PIBF1: variants seen among roughly 807,000 people sequenced by gnomAD.
PIBF1 encodes the protein progesterone-induced-blocking factor 1.
A neutral mutation model predicts 112.5 loss-of-function variants in PIBF1; 90 were observed. The ratio of observed to expected loss-of-function variants is 0.80; its 90% CI spans 0.67 to 0.95. PIBF1 has a LOEUF of 0.95. Among genes scored for constraint, PIBF1 ranks in the 40% least tolerant of loss-of-function variants. The pLI is 0.00. For synonymous variants in PIBF1, 301 were observed against 288.6 expected, an observed-to-expected ratio of 1.04 and a Z score of -0.44; for missense variants, 915 against 852.3, an observed-to-expected ratio of 1.07 and a Z score of -0.92.
intron 10 of PIBF1, among the ~76,000 whole-genome samples, chr13:72,867,429 G>A (rs1337293543): frequency 6.6e-6 from 1 of 152,066 alleles, no homozygotes; most frequent in Non-Finnish European, 1.5e-5. Context: ...TTTATTTAAA[G>A]TACTCAAAAA....
intron 16 of PIBF1, among the ~76,000 whole-genome samples, chr13:72,988,063 A>C (rs947484024): frequency 6.6e-6 from 1 of 150,804 alleles, no homozygotes; most frequent in Non-Finnish European, 1.5e-5. Context: ...GGGTTTCACC[A>C]TGCTGGCCAG....
intron 4 of PIBF1, among the ~76,000 whole-genome samples, chr13:72,796,064 A>G (rs1008821568): frequency 2.6e-5 from 4 of 152,212 alleles, no homozygotes; most frequent in African/African-American, 7.2e-5. Context: ...GAGGACCCCA[A>G]TGAGTGTTTG....
At chr13:72,938,092 AT>A (rs1053787069) in intron 14 of PIBF1, among the ~76,000 whole-genome samples, 35 of 152,128 alleles carry the variant, frequency 2.3e-4, no homozygotes, top group African/African-American at 8.0e-4. Context: ...ATTTCTGACT[AT>A]TTTTGACAAA....
At chr13:72,812,747 C>A (rs1355302779) in intron 5 of PIBF1, among the ~76,000 whole-genome samples, 1 of 151,600 alleles carries the variant, frequency 6.6e-6, no homozygotes, top group Non-Finnish European at 1.5e-5. Flanking sequence ...TTGTGTCCAG[C>A]CTGGAAGACA....
chr13:72,848,033 A>G (rs1349948860), intron 9 of PIBF1, among the ~76,000 whole-genome samples: 1 of 152,172 alleles, frequency 6.6e-6, no homozygotes, highest in Non-Finnish European at 1.5e-5. Context: ...AGCCAAAAAT[A>G]TTTTTACATG....
intron 14 of PIBF1, among the ~76,000 whole-genome samples, chr13:72,952,885 T>C (rs1594260670): frequency 3.6e-5 from 2 of 54,966 alleles, no homozygotes; most frequent in Admixed American, 4.3e-4. Context: ...GATGTGCCCT[T>C]AAGAAAAAAA....
intron 13 of PIBF1, among the ~76,000 whole-genome samples, chr13:72,925,603 G>A (rs1366939419): frequency 7.1e-6 from 1 of 141,012 alleles, no homozygotes; most frequent in South Asian, 2.2e-4. Context: ...GTGCAGTGGT[G>A]GAATCTCAGC....
intron 11 of PIBF1, among the ~76,000 whole-genome samples, chr13:72,895,603 A>G (rs1464483102): frequency 6.6e-6 from 1 of 152,102 alleles, no homozygotes; most frequent in African/African-American, 2.4e-5. Context: ...ACCTTTAGAT[A>G]GGTCTGTGTG....
intron 10 of PIBF1, among the ~76,000 whole-genome samples, chr13:72,863,175 A>G (rs1051612609): frequency 7.2e-5 from 11 of 152,154 alleles, no homozygotes; most frequent in African/African-American, 2.2e-4. Context: ...ATCACAGGCT[A>G]TATAACAAAG....
At chr13:72,889,749 A>T (rs2039987840) in intron 10 of PIBF1, among the ~76,000 whole-genome samples, 1 of 152,090 alleles carries the variant, frequency 6.6e-6, no homozygotes, top group Non-Finnish European at 1.5e-5. Context: ...TTCAACCTGG[A>T]TCAGTTGTTA....
intron 9 of PIBF1, among the ~76,000 whole-genome samples, chr13:72,840,671 G>A (rs778893131): frequency 6.6e-5 from 10 of 151,886 alleles, no homozygotes; most frequent in East Asian, 1.9e-4. Flanking sequence ...TTACAGGTTC[G>A]CGCCACCACG....
chr13:73,011,303 AGT>A (rs1246013129), intron 17 of PIBF1, among the ~76,000 whole-genome samples: 1 of 152,238 alleles, frequency 6.6e-6, no homozygotes, highest in Non-Finnish European at 1.5e-5. Context: ...GGTATGGACA[AGT>A]CTGAAAGTTA....
At chr13:72,948,458 G>A (rs2042207974) in intron 14 of PIBF1, among the ~76,000 whole-genome samples, 1 of 152,114 alleles carries the variant, frequency 6.6e-6, no homozygotes, top group Admixed American at 6.5e-5. Flanking sequence ...GCTCTAGGAA[G>A]TTCAACCAGT....
In PIBF1 at chr13:72,832,068, C is replaced by T. The variant is rs553646408; in HGVS notation, c.1098-3175C>T. On this transcript the variant is annotated intron_variant, in intron 8 of 17. Transcript: ENST00000326291. ...TTATCAGAGATTAGAATTGCAATTC[C>T]GGCCTTTTTTTTTTTTTTTTTTTTT... Among the ~76,000 whole-genome samples, 163 of 106,570 alleles carry T rather than the reference C, an allele frequency of 1.5e-3. 6 individuals are homozygous for T. The highest frequency in any genetic ancestry group is 5.2e-3 in the African/African-American group (142 of 27,488). The allele number at this position is 106,570 out of a possible 152,430, so 69.9% of individuals were successfully genotyped here.
At chr13:72,894,783 G>GTA (rs1033480808) in intron 11 of PIBF1, among the ~76,000 whole-genome samples, 2 of 147,760 alleles carry the variant, frequency 1.4e-5, no homozygotes, top group African/African-American at 5.0e-5. Context: ...GTGTGTGTGT[G>GTA]TGTGTGTGTG....
At chr13:72,818,114 A>T (rs941189106) in intron 5 of PIBF1, among the ~76,000 whole-genome samples, 1 of 152,044 alleles carries the variant, frequency 6.6e-6, no homozygotes, top group Non-Finnish European at 1.5e-5. Context: ...TACTCTGTAT[A>T]TTTATTCTTC....
At chr13:72,999,020 A>T in intron 17 of PIBF1, 25 bp downstream of exon 17, 1 of 1,400,494 alleles carries the variant, frequency 7.1e-7, no homozygotes, top group Non-Finnish European at 9.9e-7. Flanking sequence ...TAAAACTCAT[A>T]ATTTTAATAT....
intron 17 of PIBF1, among the ~76,000 whole-genome samples, chr13:73,010,706 A>C (rs961420423): frequency 2.6e-5 from 4 of 151,650 alleles, no homozygotes; most frequent in Admixed American, 1.3e-4. Flanking sequence ...CAGTCACCCA[A>C]ATCTATCTGA....
At chr13:72,924,712 G>A (rs1445219371) in intron 13 of PIBF1, among the ~76,000 whole-genome samples, 1 of 146,562 alleles carries the variant, frequency 6.8e-6, no homozygotes, top group Non-Finnish European at 1.5e-5. Context: ...GTGAGACCCT[G>A]CCAGAAAAAA....
Sources: gnomAD v4.1 joint callset for allele counts (sites outside exome capture counted in the v4.1 genomes callset) on GRCh38, gnomAD v4.1.1 for gene constraint, MANE v1.5 for transcripts, NCBI Gene and HGNC (gene_info 2026-07-23, HGNC 2026-07-21) for gene names.